Variants in ALG6 observed in about 807,000 individuals in gnomAD.
The protein encoded by ALG6 is dolichyl pyrophosphate Man9GlcNAc2 alpha-1,3-glucosyltransferase.
Under a neutral mutation model 66.6 loss-of-function variants are expected in ALG6, and 46 were observed. The ratio of observed to expected loss-of-function variants is 0.69; its 90% CI spans 0.55 to 0.88. ALG6 has a LOEUF of 0.88. Among genes scored for constraint, ALG6 ranks in the 40% least tolerant of loss-of-function variants. The pLI is 0.00. For missense variants in ALG6, 505 were observed against 586.8 expected (o/e 0.86, Z 1.44); for synonymous variants, 185 against 203.7 (o/e 0.91, Z 0.78).
intron 1 of ALG6, among the ~76,000 whole-genome samples, chr1:63,369,402 G>T (rs111833432): frequency 0.024 from 3,720 of 152,234 alleles, 116 homozygotes; most frequent in African/African-American, 0.078. Flanking sequence ...ACCAAGGAGG[G>T]TGGATCACCT....
intron 11 of ALG6, 150 bp from the exon 12 acceptor site, chr1:63,419,220 A>C: frequency 1.6e-6 from 1 of 643,128 alleles, no homozygotes; most frequent in Non-Finnish European, 2.7e-6. Context: ...TAAAATATGC[A>C]TACTAGTGTT....
chr1:63,406,375 A>G lies in ALG6; in HGVS notation c.405A>G (p.Leu135=). The G allele has an allele frequency of 6.2e-7, 1 of 1,613,302 alleles. No homozygotes were observed. The highest frequency in any genetic ancestry group is 8.5e-7 in the Non-Finnish European group (1 of 1,179,494). ...CAGTGGTTTTGTACTGTTGTTGCTT[A>G]AAAGAAATCTCAACTAAGAAAAAGG... ...IPAVVLYCCC[L]KEISTKKKIA... is the part of the protein sequence containing the mutation. The change falls in exon 6 of 15, where the codon TTA becomes TTG. Residue 135 remains leucine, a synonymous_variant. Transcript: ENST00000263440.
rs1388308664 is a variant in ALG6 at position 63,406,299 on chromosome 1, A to G, written c.347-18A>G. ...TCCTGATGGACTCATGTTTAAAGTT[A>G]TTTACTTGTGTTTTCAGTTTTAATT... On this transcript the variant is annotated intron_variant, in intron 5 of 14. Coordinates refer to ENST00000263440, the MANE Select transcript of ALG6 (RefSeq NM_013339.4). The G allele has an allele frequency of 2.9e-5, 46 of 1,608,210 alleles. No homozygotes were observed. The highest frequency in any genetic ancestry group is 3.7e-5 in the Non-Finnish European group (44 of 1,175,154).
chr1:63,415,384 C>T (rs979178627), intron 10 of ALG6, among the ~76,000 whole-genome samples: 4 of 152,132 alleles, frequency 2.6e-5, no homozygotes, highest in African/African-American at 9.7e-5. Flanking sequence ...TAGCTTCCTG[C>T]TCCCTTTCCA....
intron 12 of ALG6, among the ~76,000 whole-genome samples, chr1:63,421,281 C>T (rs1339399088): frequency 1.3e-5 from 2 of 152,060 alleles, no homozygotes; most frequent in Non-Finnish European, 2.9e-5. Context: ...CTAGTTCAAG[C>T]GATTCTCCTG....
chr1:63,412,875 A>G (rs1223196936), intron 9 of ALG6, among the ~76,000 whole-genome samples: 1 of 152,170 alleles, frequency 6.6e-6, no homozygotes, highest in Non-Finnish European at 1.5e-5. Context: ...TTTTAAAAGC[A>G]TATTTTCCTA....
intron 2 of ALG6, among the ~76,000 whole-genome samples, chr1:63,385,632 A>C (rs1455852567): frequency 1.3e-5 from 2 of 152,184 alleles, no homozygotes; most frequent in Admixed American, 1.3e-4. Flanking sequence ...CACCATTGGC[A>C]TACAGAAGTA....
intron 2 of ALG6, among the ~76,000 whole-genome samples, chr1:63,382,679 GTTTTTT>G (rs59573321): frequency 2.0e-4 from 4 of 19,766 alleles, no homozygotes; most frequent in African/African-American, 6.8e-4. Context: ...TTTTTTTTTT[GTTTTTT>G]TTTTTTTTGA....
chr1:63,424,076 C>A (rs1380072697), intron 12 of ALG6, among the ~76,000 whole-genome samples: 1 of 152,168 alleles, frequency 6.6e-6, no homozygotes, highest in African/African-American at 2.4e-5. Context: ...TGATATTGAA[C>A]ATCTCTTTAT....
chr1:63,409,392 A>G (rs1184890638), intron 7 of ALG6, among the ~76,000 whole-genome samples: 1 of 152,092 alleles, frequency 6.6e-6, no homozygotes, highest in Non-Finnish European at 1.5e-5. Context: ...CTGTTCTGCT[A>G]AATTCTGTTA....
rs1648599696 is a variant in ALG6 at position 63,389,395 on chromosome 1, A to AT, written c.83-7116dup. 3.9e-5 allele frequency among the ~76,000 whole-genome samples: 6 copies of AT among 152,282 alleles called. No homozygotes were observed. The South Asian group carries it at 1.2e-3, about 32-fold the overall frequency. ...CTCTGATGCATTCCACAGTATGTCA[A>AT]TTGAATTTTTTAGCACCAGAATTTC... On this transcript the variant is annotated intron_variant, in intron 2 of 14. Transcript: ENST00000263440.
intron 5 of ALG6, among the ~76,000 whole-genome samples, chr1:63,405,518 T>G (rs1362184744): frequency 6.6e-6 from 1 of 152,148 alleles, no homozygotes; most frequent in African/African-American, 2.4e-5. Flanking sequence ...AAGTTAAAGA[T>G]TCCTATATAC....
intron 2 of ALG6, among the ~76,000 whole-genome samples, chr1:63,394,992 A>T (rs1259773224): frequency 1.3e-5 from 2 of 151,336 alleles, no homozygotes; most frequent in Admixed American, 6.6e-5. Flanking sequence ...CAGCCTCCTG[A>T]GTAGCTGGGA....
In ALG6 at chr1:63,393,434, A is replaced by G. The variant is rs150860584; in HGVS notation, c.83-3079A>G. ...GATATAAAATTCTTATCTGGTTAGC[A>G]GTTAAGAAATAGTATAGTCATATGA... On this transcript the variant is annotated intron_variant, in intron 2 of 14. Transcript: ENST00000263440. Among the ~76,000 whole-genome samples the G allele has an allele frequency of 2.9e-3, 439 of 152,340 alleles. 3 individuals carry two copies. The highest frequency in any genetic ancestry group is 0.01 in the African/African-American group (432 of 41,566).
intron 14 of ALG6, among the ~76,000 whole-genome samples, chr1:63,436,083 A>G (rs902362764): frequency 3.9e-5 from 6 of 152,146 alleles, no homozygotes; most frequent in Non-Finnish European, 8.8e-5. Flanking sequence ...GAAAGCATTT[A>G]GCGAATATGA....
intron 12 of ALG6, among the ~76,000 whole-genome samples, chr1:63,422,833 TA>T (rs1327877602): frequency 6.6e-6 from 1 of 151,960 alleles, no homozygotes; most frequent in Non-Finnish European, 1.5e-5. Context: ...TGCATGCCTG[TA>T]ATCCCAGCTA....
At chr1:63,415,808 C>A in intron 10 of ALG6, 65 bp from the exon 11 acceptor site, 3 of 956,388 alleles carry the variant, frequency 3.1e-6, no homozygotes, top group East Asian at 2.7e-5. Flanking sequence ...AAAATATTTC[C>A]TTATTTAAGC....
chr1:63,393,505 T>A (rs967353928), intron 2 of ALG6, among the ~76,000 whole-genome samples: 9 of 152,120 alleles, frequency 5.9e-5, no homozygotes, highest in African/African-American at 2.2e-4. Context: ...AAGTCAGTAG[T>A]TAGTGATCAA....
intron 2 of ALG6, among the ~76,000 whole-genome samples, chr1:63,373,123 C>G (rs765294162): frequency 6.6e-6 from 1 of 152,054 alleles, no homozygotes; most frequent in Non-Finnish European, 1.5e-5. Flanking sequence ...TCTGCTGCCT[C>G]AGCCTACCAA....
Sources: allele counts gnomAD v4.1 joint callset (sites outside exome capture counted in the v4.1 genomes callset), GRCh38; gene constraint gnomAD v4.1.1; transcripts MANE v1.5; gene names NCBI Gene and HGNC (gene_info 2026-07-23, HGNC 2026-07-21).